The following CYB5B variants were observed in gnomAD, a reference collection of about 807,000 sequenced individuals.
CYB5B encodes the protein cytochrome b5 type B (outer mitochondrial membrane).
CYB5B carries 14 observed loss-of-function variants against 21.3 expected under a neutral mutation model. The observed-to-expected ratio is 0.66, with a 90% CI of 0.43 to 1.03. The LOEUF (loss-of-function observed/expected upper bound fraction) is 1.03, where lower values mean the gene tolerates loss of function less well. CYB5B is among the 50% of genes least tolerant of loss of function. The probability of loss-of-function intolerance (pLI) is 0.00; values close to 1 mark genes in which losing one functional copy is unlikely to be tolerated. For synonymous variants in CYB5B, 69 were observed against 68.4 expected (o/e 1.01, Z -0.04); for missense variants, 166 against 185.1 (o/e 0.90, Z 0.60).
Position 69,464,557 on chromosome 16 carries a change from T to C in CYB5B, c.*2037T>C, listed in dbSNP as rs897379960. 7 of 152,244 alleles carry C rather than the reference T, an allele frequency of 4.6e-5. No homozygotes were observed. Among genetic ancestry groups the C allele is most frequent in the Non-Finnish European group, 8.8e-5 (6 of 68,022 alleles). 9.4% of individuals were successfully genotyped at this position (152,244 alleles called of 1,614,324 possible). On this transcript the variant is annotated 3_prime_UTR_variant, in exon 5 of 5. Transcript: ENST00000307892. Reference sequence around the variant, plus strand: ...GTATTGAGGAGCTTGAAAGGGAACATTCAAACTAAAGCCAAGCCTGAAGAT... The same window carrying C: ...GTATTGAGGAGCTTGAAAGGGAACACTCAAACTAAAGCCAAGCCTGAAGAT...
chr16:69,453,548 T>TTTTTG lies in CYB5B; in HGVS notation c.333+5419_333+5423dup, dbSNP rs750840306. On this transcript the variant is annotated intron_variant, in intron 3 of 4. Transcript: ENST00000307892. ...GTTATTTCCTGATTTCTTGTGTGTT[T>TTTTTG]TTTTGTTTTGTTTTGTTTTTGGGCG... 2.4e-4 allele frequency among the ~76,000 whole-genome samples: 36 copies of TTTTTG among 152,110 alleles called. 3 individuals carry two copies. The highest frequency in any genetic ancestry group is 1.9e-3 in the Admixed American group (29 of 15,258).
At chr16:69,436,459 T>C (rs1435355999) in intron 1 of CYB5B, among the ~76,000 whole-genome samples, 1 of 152,164 alleles carries the variant, frequency 6.6e-6, no homozygotes, top group African/African-American at 2.4e-5. Context: ...GGTTTGCCTC[T>C]CTTAGGTGAC....
intron 1 of CYB5B, among the ~76,000 whole-genome samples, chr16:69,432,680 C>T (rs1388434208): frequency 6.6e-6 from 1 of 152,160 alleles, no homozygotes; most frequent in African/African-American, 2.4e-5. Context: ...CTCTTTTAAG[C>T]CTCCCAACAA....
chr16:69,461,382 T>G (rs907061414), intron 4 of CYB5B, among the ~76,000 whole-genome samples: 1 of 152,224 alleles, frequency 6.6e-6, no homozygotes, highest in Non-Finnish European at 1.5e-5. Flanking sequence ...GCCATATTGC[T>G]TGGTTTTGTA....
At chr16:69,447,318 A>G (rs750215844) in intron 2 of CYB5B, 40 bp downstream of exon 2, 2 of 1,600,230 alleles carry the variant, frequency 1.2e-6, no homozygotes, top group South Asian at 1.1e-5. Flanking sequence ...TGCAGAGAAA[A>G]CTACTTAACA....
chr16:69,460,488 C>T (rs938188228), intron 4 of CYB5B, among the ~76,000 whole-genome samples: 18 of 152,088 alleles, frequency 1.2e-4, no homozygotes, highest in African/African-American at 4.3e-4. Flanking sequence ...TATTTCATAC[C>T]TAACCAGATT....
chr16:69,433,252 C>G (rs1567470653), intron 1 of CYB5B, among the ~76,000 whole-genome samples: 1 of 152,266 alleles, frequency 6.6e-6, no homozygotes, highest in East Asian at 1.9e-4. Context: ...AACAGATACC[C>G]CTTTCCTGGA....
intron 3 of CYB5B, among the ~76,000 whole-genome samples, chr16:69,454,238 C>T (rs1348058757): frequency 6.6e-6 from 1 of 152,086 alleles, no homozygotes; most frequent in African/African-American, 2.4e-5. Context: ...TGTTTTTCAT[C>T]TTTGAATTTT....
Position 69,424,762 on chromosome 16 carries a change from T to C in CYB5B, c.79T>C (p.Tyr27His). 6.2e-7 allele frequency: 1 copy of C among 1,605,100 alleles called. No homozygotes were observed. Among genetic ancestry groups the C allele is most frequent in the East Asian group, 2.3e-5 (1 of 43,528 alleles). Residue 27 changes from tyrosine (Y) to histidine (H), a missense_variant, in exon 1 of 5, where the codon TAC becomes CAC. By Grantham distance (83) the Tyr-to-His change is moderately conservative (BLOSUM62 2). Coordinates refer to ENST00000307892, the MANE Select transcript of CYB5B (RefSeq NM_030579.3). ...GGAAGTCGAGACCTCAGTCACCTAT[T>C]ACCGGTTGGAGGAGGTGGCAAAGCG... ...GQEVETSVTY[Y>H]RLEEVAKRNS...
chr16:69,441,311 C>T (rs2142816117), intron 1 of CYB5B, among the ~76,000 whole-genome samples: 1 of 152,224 alleles, frequency 6.6e-6, no homozygotes, highest in South Asian at 2.1e-4. Context: ...CATGCCACCA[C>T]ATCCAGCTAA....
intron 1 of CYB5B, among the ~76,000 whole-genome samples, chr16:69,433,401 A>G (rs888097477): frequency 1.2e-4 from 18 of 152,268 alleles, no homozygotes; most frequent in Non-Finnish European, 7.4e-5. Context: ...TTTTGCCTGT[A>G]CAAGCCAAAG....
intron 1 of CYB5B, among the ~76,000 whole-genome samples, chr16:69,435,716 C>T (rs2014753476): frequency 6.6e-6 from 1 of 152,128 alleles, no homozygotes; most frequent in African/African-American, 2.4e-5. Context: ...CAGCTCATTA[C>T]AACCTCTGCC....
chr16:69,428,155 T>C (rs575496368), intron 1 of CYB5B, among the ~76,000 whole-genome samples: 16 of 152,310 alleles, frequency 1.1e-4, no homozygotes, highest in African/African-American at 3.8e-4. Flanking sequence ...TTCTGTTTTC[T>C]TGTTCATTCC....
chr16:69,459,083 T>TTA lies in CYB5B; in HGVS notation c.334-9_334-8insAT. The TTA allele has an allele frequency of 6.3e-7, 1 of 1,585,984 alleles. No individual in the cohort carries two copies. Among genetic ancestry groups the TTA allele is most frequent in the Admixed American group, 1.9e-5 (1 of 53,060 alleles). On this transcript the variant is annotated splice_polypyrimidine_tract_variant and intron_variant, in intron 3 of 4. Coordinates refer to ENST00000307892, the MANE Select transcript of CYB5B (RefSeq NM_030579.3). ...TGTTATTTTTGAATTTTTTTTTTTT[T>TTA]TTATTTCAGGACCCTTCAAAAAATG...
chr16:69,429,060 T>C (rs1032534251), intron 1 of CYB5B, among the ~76,000 whole-genome samples: 5 of 152,340 alleles, frequency 3.3e-5, no homozygotes, highest in African/African-American at 1.2e-4. Context: ...TGTGACTTAA[T>C]GGCGTAATAG....
In CYB5B at chr16:69,453,127, A is replaced by G. The variant is rs193180780; in HGVS notation, c.333+4983A>G. ...TTTTAAAACAAATAAAATTGTCTCC[A>G]TAGAGGCTTAACGTGTTTTTTTAAC... On this transcript the variant is annotated intron_variant, in intron 3 of 4. Transcript: ENST00000307892. 1.3e-4 allele frequency among the ~76,000 whole-genome samples: 20 copies of G among 152,300 alleles called. No individual in the cohort carries two copies. The East Asian group carries it at 1.5e-3, about 12-fold the overall frequency.
At chr16:69,446,481 C>T (rs993695190) in intron 1 of CYB5B, among the ~76,000 whole-genome samples, 17 of 152,128 alleles carry the variant, frequency 1.1e-4, no homozygotes, top group African/African-American at 3.9e-4. Context: ...CCACCACCAC[C>T]ATGCCTGGCA....
At chr16:69,454,427 T>TA (rs2014964102) in intron 3 of CYB5B, among the ~76,000 whole-genome samples, 2 of 152,226 alleles carry the variant, frequency 1.3e-5, no homozygotes, top group Admixed American at 1.3e-4. Flanking sequence ...ACCACATGAC[T>TA]GTGTCATAGT....
intron 3 of CYB5B, 25 bp from the exon 4 acceptor site, chr16:69,459,068 G>C: frequency 9.0e-7 from 1 of 1,105,452 alleles, no homozygotes; most frequent in Non-Finnish European, 1.3e-6. Context: ...TGTTATTTTT[G>C]AATTTTTTTT....
Sources: gnomAD v4.1 joint callset for allele counts (sites outside exome capture counted in the v4.1 genomes callset) on GRCh38, gnomAD v4.1.1 for gene constraint, MANE v1.5 for transcripts, NCBI Gene and HGNC (gene_info 2026-07-23, HGNC 2026-07-21) for gene names.